Variants in DPF3 observed in about 807,000 individuals in gnomAD.
DPF3 encodes double PHD fingers 3.
DPF3 carries 18 observed loss-of-function variants against 56.8 expected under a neutral mutation model. That is an observed-to-expected ratio of 0.32 (90% CI 0.22 to 0.47). The LOEUF is 0.47. Among genes scored for constraint, DPF3 ranks in the 20% least tolerant of loss-of-function variants. The probability of loss-of-function intolerance (pLI) is 1.00; values close to 1 mark genes in which losing one functional copy is unlikely to be tolerated. For synonymous variants in DPF3, 188 were observed against 180.2 expected (o/e 1.04, Z -0.35); for missense variants, 403 against 488.8 (o/e 0.82, Z 1.65).
intron 3 of DPF3, among the ~76,000 whole-genome samples, chr14:72,746,470 G>C (rs574325233): frequency 2.0e-5 from 3 of 152,222 alleles, no homozygotes; most frequent in Non-Finnish European, 4.4e-5. Flanking sequence ...AGGGTTTGTG[G>C]GGGTTGTTTC....
chr14:72,809,958 G>A (rs1274576095), intron 1 of DPF3, among the ~76,000 whole-genome samples: 2 of 152,188 alleles, frequency 1.3e-5, no homozygotes, highest in Non-Finnish European at 2.9e-5. Flanking sequence ...AAAAGCGTCT[G>A]CTTCTTGGGG....
intron 8 of DPF3, among the ~76,000 whole-genome samples, chr14:72,659,891 T>C (rs1309611318): frequency 6.6e-6 from 1 of 152,336 alleles, no homozygotes; most frequent in African/African-American, 2.4e-5. Context: ...AGGGAAAGTT[T>C]GACACATCTA....
chr14:72,884,965 T>TAC (rs1886476065), intron 1 of DPF3, among the ~76,000 whole-genome samples: 1 of 110,756 alleles, frequency 9.0e-6, no homozygotes, highest in Non-Finnish European at 1.9e-5. Flanking sequence ...TATATATATA[T>TAC]ATATATTAGC....
chr14:72,748,049 A>G (rs1455239375), intron 3 of DPF3, among the ~76,000 whole-genome samples: 1 of 152,286 alleles, frequency 6.6e-6, no homozygotes, highest in Admixed American at 6.5e-5. Context: ...ATATGGAAGC[A>G]ACTTTGCAAC....
In DPF3 at chr14:72,803,337, CT is replaced by C. The variant is rs1024099353; in HGVS notation, c.33-31445del. On this transcript the variant is annotated intron_variant, in intron 1 of 10. Coordinates refer to ENST00000556509, the MANE Select transcript of DPF3 (RefSeq NM_001280542.3). ...CAATGGTTCTTAGTCAAAAAAGCTGCTTATGGCTGGAGTCAAAAACATGTCT... is the reference window on the plus strand; with the variant it reads ...CAATGGTTCTTAGTCAAAAAAGCTGCTATGGCTGGAGTCAAAAACATGTCT... Among the ~76,000 whole-genome samples the C allele has an allele frequency of 2.3e-4, 35 of 152,314 alleles. 1 individual carries two copies. The highest frequency in any genetic ancestry group is 8.4e-4 in the African/African-American group (35 of 41,572).
chr14:72,682,217 G>GAAA (rs60779626), intron 7 of DPF3, among the ~76,000 whole-genome samples: 4 of 55,340 alleles, frequency 7.2e-5, no homozygotes, highest in African/African-American at 1.1e-4. Flanking sequence ...TCTGTCTCAA[G>GAAA]AAAAAAAAAA....
At chr14:72,795,287 A>AT (rs1371528147) in intron 1 of DPF3, among the ~76,000 whole-genome samples, 39 of 124,954 alleles carry the variant, frequency 3.1e-4, no homozygotes, top group African/African-American at 8.6e-4. Flanking sequence ...CAAAAAAAAA[A>AT]AAAAAAAAAT....
chr14:72,686,572 C>T (rs866738218), intron 7 of DPF3, among the ~76,000 whole-genome samples: 6 of 152,226 alleles, frequency 3.9e-5, no homozygotes, highest in South Asian at 2.1e-4. Flanking sequence ...TGTAGATGAC[C>T]TTTGAGGCCA....
At chr14:72,822,779 T>C (rs1465632794) in intron 1 of DPF3, among the ~76,000 whole-genome samples, 2 of 152,190 alleles carry the variant, frequency 1.3e-5, no homozygotes, top group African/African-American at 4.8e-5. Context: ...GAGAGTATTA[T>C]GAGTTGAGTT....
rs1228210303 is a variant in DPF3 at position 72,613,296 on chromosome 14, A to C, written c.*6001T>G. On this transcript the variant is annotated 3_prime_UTR_variant, in exon 11 of 11. Coordinates refer to ENST00000556509, the MANE Select transcript of DPF3 (RefSeq NM_001280542.3). ...CCCACCATGGCCGCGTTTATTTGCTAGACAGGGTTGGTGCCAGCCTACAGG... is the reference window on the plus strand; with the variant it reads ...CCCACCATGGCCGCGTTTATTTGCTCGACAGGGTTGGTGCCAGCCTACAGG... Among the ~76,000 whole-genome samples the C allele has an allele frequency of 6.6e-6, 1 of 152,128 alleles. No homozygotes were observed. Among genetic ancestry groups the C allele is most frequent in the Non-Finnish European group, 1.5e-5 (1 of 68,014 alleles).
At chr14:72,723,167 C>T (rs1889253763) in intron 5 of DPF3, among the ~76,000 whole-genome samples, 1 of 151,994 alleles carries the variant, frequency 6.6e-6, no homozygotes, top group South Asian at 2.1e-4. Context: ...GGTATATCTC[C>T]TAATGCTATC....
intron 2 of DPF3, among the ~76,000 whole-genome samples, chr14:72,753,636 T>C (rs1295771090): frequency 6.6e-6 from 1 of 151,882 alleles, no homozygotes; most frequent in Non-Finnish European, 1.5e-5. Context: ...CCAATTCTGC[T>C]CTCCTGCCTG....
At chr14:72,640,494 T>G (rs1252541682) in intron 8 of DPF3, among the ~76,000 whole-genome samples, 10 of 152,168 alleles carry the variant, frequency 6.6e-5, no homozygotes, top group Non-Finnish European at 1.5e-5. Context: ...AATCCTACCC[T>G]TCTGGAGCTT....
chr14:72,715,062 T>G (rs910981791), intron 5 of DPF3, among the ~76,000 whole-genome samples: 1 of 152,200 alleles, frequency 6.6e-6, no homozygotes, highest in Non-Finnish European at 1.5e-5. Context: ...CCAGGCCCAG[T>G]GCACGAGTGT....
At chr14:72,841,161 G>GTTA (rs386381749) in intron 1 of DPF3, among the ~76,000 whole-genome samples, 2 of 151,684 alleles carry the variant, frequency 1.3e-5, no homozygotes, top group Admixed American at 6.6e-5. Flanking sequence ...TTTCTAGCTT[G>GTTA]TTTGGGGGTC....
intron 6 of DPF3, among the ~76,000 whole-genome samples, chr14:72,694,263 G>A (rs1318905545): frequency 6.6e-6 from 1 of 152,190 alleles, no homozygotes; most frequent in East Asian, 1.9e-4. Context: ...AAATGTCCAT[G>A]CCAACCTTCT....
intron 6 of DPF3, among the ~76,000 whole-genome samples, chr14:72,709,484 C>T (rs553845367): frequency 8.5e-5 from 13 of 152,236 alleles, no homozygotes; most frequent in African/African-American, 2.2e-4. Context: ...CCAGCCTGCC[C>T]GCCTGATGCC....
At chr14:72,867,930 G>A (rs754466092) in intron 1 of DPF3, among the ~76,000 whole-genome samples, 3 of 151,726 alleles carry the variant, frequency 2.0e-5, no homozygotes, top group Non-Finnish European at 2.9e-5. Context: ...TTCTGGAGAC[G>A]GCATTTCACC....
chr14:72,614,777 G>GGAAAAAAAAAAAAAA lies in DPF3; in HGVS notation c.*4519_*4520insTTTTTTTTTTTTTTC, dbSNP rs1555488399. ...CTGTTGCCCAGGATCACAAGCCTCA[G>GGAAAAAAAAAAAAAA]AAAAAAAAAAAAGAGTTACAATCAC... On this transcript the variant is annotated 3_prime_UTR_variant, in exon 11 of 11. Coordinates refer to ENST00000556509, the MANE Select transcript of DPF3 (RefSeq NM_001280542.3). Among the ~76,000 whole-genome samples, 2 of 96,068 alleles carry GGAAAAAAAAAAAAAA rather than the reference G, an allele frequency of 2.1e-5. No homozygotes were observed. The highest frequency in any genetic ancestry group is 1.1e-4 in the Admixed American group (1 of 9,408). The allele number at this position is 96,068 out of a possible 152,430, so 63.0% of individuals were successfully genotyped here.
Sources: gnomAD v4.1 joint callset for allele counts (sites outside exome capture counted in the v4.1 genomes callset) on GRCh38, gnomAD v4.1.1 for gene constraint, MANE v1.5 for transcripts, NCBI Gene and HGNC (gene_info 2026-07-23, HGNC 2026-07-21) for gene names.